Variants in CCDC198 observed in about 807,000 individuals in gnomAD.
CCDC198 encodes the protein factor associated with metabolism and energy.
A neutral mutation model predicts 35.6 loss-of-function variants in CCDC198; 18 were observed. The observed-to-expected ratio is 0.51, with a 90% confidence interval of 0.35 to 0.75. The LOEUF is 0.75. Among genes scored for constraint, CCDC198 ranks in the 30% least tolerant of loss-of-function variants. CCDC198 has a pLI of 0.01. For missense variants in CCDC198, 365 were observed against 343.7 expected, an observed-to-expected ratio of 1.06 and a Z score of -0.49; for synonymous variants, 119 against 113.4, an observed-to-expected ratio of 1.05 and a Z score of -0.31.
chr14:57,472,296 C>T (rs1460228670), intron 5 of CCDC198, among the ~76,000 whole-genome samples: 2 of 152,130 alleles, frequency 1.3e-5, no homozygotes, highest in Non-Finnish European at 2.9e-5. Context: ...CACCGTTCCT[C>T]CTCTTTCTCC....
At chr14:57,491,220 A>T (rs991267032) in intron 1 of CCDC198, 149 bp from the exon 2 acceptor site, 53 of 747,518 alleles carry the variant, frequency 7.1e-5, no homozygotes, top group Non-Finnish European at 3.2e-5. Context: ...TGGAGATGAA[A>T]CACAGAAAGC....
At chr14:57,475,026 C>T (rs924664268) in intron 5 of CCDC198, among the ~76,000 whole-genome samples, 34 of 152,156 alleles carry the variant, frequency 2.2e-4, no homozygotes, top group Non-Finnish European at 4.6e-4. Flanking sequence ...CTTTGGGAGG[C>T]CGAGGCGGGC....
At chr14:57,476,156 A>G (rs1458097807) in intron 5 of CCDC198, among the ~76,000 whole-genome samples, 2 of 152,178 alleles carry the variant, frequency 1.3e-5, no homozygotes, top group African/African-American at 4.8e-5. Context: ...TAATTTTTAC[A>G]TAAACTTTAC....
chr14:57,483,004 C>T, intron 3 of CCDC198, 61 bp downstream of exon 3: 1 of 1,610,794 alleles, frequency 6.2e-7, no homozygotes, highest in Non-Finnish European at 8.5e-7. Flanking sequence ...TGCTCCAGTG[C>T]CCCAATCCTG....
intron 1 of CCDC198, among the ~76,000 whole-genome samples, chr14:57,492,198 G>C (rs778618927): frequency 2.6e-5 from 4 of 152,022 alleles, no homozygotes; most frequent in African/African-American, 7.2e-5. Flanking sequence ...AATTGATGAA[G>C]TAACTTGCCC....
At chr14:57,474,569 A>G (rs2066912143) in intron 5 of CCDC198, among the ~76,000 whole-genome samples, 1 of 152,248 alleles carries the variant, frequency 6.6e-6, no homozygotes, top group Non-Finnish European at 1.5e-5. Context: ...ATCCTTGAAA[A>G]TAAATCCTTT....
Position 57,484,871 on chromosome 14 carries a change from G to A in CCDC198, c.307-1720C>T, listed in dbSNP as rs140073561. Among the ~76,000 whole-genome samples the A allele has an allele frequency of 3.0e-4, 45 of 152,300 alleles. No homozygotes were observed. The East Asian group carries it at 6.8e-3, about 23-fold the overall frequency. ...ATGCTGGCTGCAGTGTGGAAACTAG[G>A]AAGGAATAATTATGGATGTGGAGAG... On this transcript the variant is annotated intron_variant, in intron 2 of 5. Coordinates refer to ENST00000216445, the MANE Select transcript of CCDC198 (RefSeq NM_018168.4).
At chr14:57,478,382 T>G in intron 5 of CCDC198, 1 of 833,994 alleles carries the variant, frequency 1.2e-6, no homozygotes, top group Non-Finnish European at 1.4e-6. Flanking sequence ...TCCTACCTTC[T>G]AGGTTGTGTG....
intron 3 of CCDC198, among the ~76,000 whole-genome samples, chr14:57,482,091 A>G (rs1452518607): frequency 6.6e-6 from 1 of 152,162 alleles, no homozygotes; most frequent in Non-Finnish European, 1.5e-5. Context: ...TGAATGGTGA[A>G]ATGGAACCTA....
At chr14:57,483,299 A>G in intron 2 of CCDC198, 148 bp from the exon 3 acceptor site, 1 of 1,197,426 alleles carries the variant, frequency 8.4e-7, no homozygotes, top group Non-Finnish European at 1.2e-6. Context: ...ACAGCATTAC[A>G]GTTATATTGG....
chr14:57,475,074 A>G (rs1165819800), intron 5 of CCDC198, among the ~76,000 whole-genome samples: 1 of 152,094 alleles, frequency 6.6e-6, no homozygotes, highest in Non-Finnish European at 1.5e-5. Context: ...ATCTTGGCTA[A>G]CACAGTGAAC....
chr14:57,490,413 A>C (rs2139561624), intron 2 of CCDC198, among the ~76,000 whole-genome samples: 1 of 152,280 alleles, frequency 6.6e-6, no homozygotes, highest in East Asian at 1.9e-4. Flanking sequence ...ACCAGTTAAC[A>C]TCTAGAACAA....
intron 4 of CCDC198, 90 bp from the exon 5 acceptor site, chr14:57,480,844 T>C: frequency 7.4e-7 from 1 of 1,358,216 alleles, no homozygotes; most frequent in Non-Finnish European, 1.0e-6. Context: ...GCAAGTTGTG[T>C]GCTTATCTGT....
intron 1 of CCDC198, among the ~76,000 whole-genome samples, chr14:57,491,442 T>C (rs571241367): frequency 7.7e-4 from 117 of 152,188 alleles, no homozygotes; most frequent in African/African-American, 2.7e-3. Flanking sequence ...CCCTGAAATA[T>C]AAGACATCAG....
Position 57,481,678 on chromosome 14 carries a change from C to T in CCDC198, c.394-18G>A, listed in dbSNP as rs1306912571. The stretch of plus-strand genomic sequence containing the variant: ...AGTACCTGCTATGAAAGACAACACA[C>T]TTGTTAGTATGGGGTAATTTGTTAC... On this transcript the variant is annotated intron_variant, in intron 3 of 5. Transcript: ENST00000216445. 1 of 1,491,624 alleles carries T rather than the reference C, an allele frequency of 6.7e-7. No individual in the cohort carries two copies. The highest frequency in any genetic ancestry group is 9.3e-7 in the Non-Finnish European group (1 of 1,073,002). 92.4% of individuals were successfully genotyped at this position (1,491,624 alleles called of 1,614,324 possible). A position where few individuals can be genotyped will look rare whatever the true frequency, so the allele number is the denominator to read the frequency against.
At chr14:57,480,882 A>G in intron 4 of CCDC198, 128 bp from the exon 5 acceptor site, 1 of 900,074 alleles carries the variant, frequency 1.1e-6, no homozygotes, top group Non-Finnish European at 1.7e-6. Flanking sequence ...TAACCAGAAC[A>G]TGGTTTTCTT....
intron 2 of CCDC198, among the ~76,000 whole-genome samples, chr14:57,487,691 G>T (rs965114209): frequency 1.3e-5 from 2 of 152,098 alleles, no homozygotes; most frequent in African/African-American, 4.8e-5. Context: ...GAAGTAGAAG[G>T]TGCCAAAAAT....
intron 2 of CCDC198, chr14:57,483,371 T>C: frequency 1.8e-6 from 1 of 562,938 alleles, no homozygotes; most frequent in Non-Finnish European, 3.1e-6. Flanking sequence ...CGACAGTGCC[T>C]TATTGATCTA....
In CCDC198 at chr14:57,482,527, C is replaced by T. The variant is rs568616011; in HGVS notation, c.393+538G>A. Among the ~76,000 whole-genome samples the T allele has an allele frequency of 2.0e-5, 3 of 152,282 alleles. No homozygotes were observed. The South Asian group carries it at 6.2e-4, about 32-fold the overall frequency. ...GAAAGTGTTGAAAATCTGCTTCTAC[C>T]TCTAAGCTTTCATTTCTATGTGAGG... On this transcript the variant is annotated intron_variant, in intron 3 of 5. Coordinates refer to ENST00000216445, the MANE Select transcript of CCDC198 (RefSeq NM_018168.4).
Sources: gnomAD v4.1 joint callset for allele counts (sites outside exome capture counted in the v4.1 genomes callset) on GRCh38, gnomAD v4.1.1 for gene constraint, MANE v1.5 for transcripts, NCBI Gene and HGNC (gene_info 2026-07-23, HGNC 2026-07-21) for gene names.